The following TAFA4 variants were observed in gnomAD, a reference collection of about 807,000 sequenced individuals.
TAFA4 encodes TAFA chemokine like family member 4, also known as chemokine-like protein TAFA-4.
In TAFA4, 20 loss-of-function variants were observed where a neutral mutation model predicts 21.1. The ratio of observed to expected loss-of-function variants is 0.95; its 90% CI spans 0.67 to 1.38. TAFA4 has a LOEUF of 1.38. TAFA4 is among the 40% of genes most tolerant of loss of function. TAFA4 has a pLI of 0.00. For synonymous variants in TAFA4, 71 were observed against 67.4 expected (o/e 1.05, Z -0.26); for missense variants, 211 against 180.9 (o/e 1.17, Z -0.95).
intron 3 of TAFA4, among the ~76,000 whole-genome samples, chr3:68,757,819 A>T (rs1191593960): frequency 6.6e-6 from 1 of 152,182 alleles, no homozygotes; most frequent in Non-Finnish European, 1.5e-5. Context: ...CCTTACAATT[A>T]TAATTGACAC....
intron 3 of TAFA4, among the ~76,000 whole-genome samples, chr3:68,871,414 A>G (rs765591594): frequency 2.6e-5 from 4 of 152,136 alleles, no homozygotes; most frequent in Non-Finnish European, 5.9e-5. Context: ...CGCTCACTAT[A>G]TACAAAAATC....
intron 3 of TAFA4, among the ~76,000 whole-genome samples, chr3:68,875,012 T>TGGA (rs371864148): frequency 3.0e-4 from 46 of 152,218 alleles, no homozygotes; most frequent in African/African-American, 1.1e-3. Flanking sequence ...CGGAGGCTAG[T>TGGA]GGAATCCCTC....
intron 3 of TAFA4, among the ~76,000 whole-genome samples, chr3:68,866,194 T>C (rs1456046993): frequency 7.9e-5 from 12 of 152,122 alleles, no homozygotes; most frequent in Admixed American, 7.9e-4. Flanking sequence ...GAGTGGTTGT[T>C]CAGCAGCACC....
intron 1 of TAFA4, among the ~76,000 whole-genome samples, chr3:68,896,836 G>A (rs1414939447): frequency 1.3e-5 from 2 of 152,152 alleles, no homozygotes; most frequent in Non-Finnish European, 2.9e-5. Flanking sequence ...CTAACTATAA[G>A]GTCCAAGTTT....
chr3:68,733,124 A>T lies in TAFA4; in HGVS notation c.*18T>A. 6.2e-7 allele frequency: 1 copy of T among 1,613,206 alleles called. No homozygotes were observed. The highest frequency in any genetic ancestry group is 8.5e-7 in the Non-Finnish European group (1 of 1,179,444). On this transcript the variant is annotated 3_prime_UTR_variant, in exon 6 of 6. Coordinates refer to ENST00000295569, the MANE Select transcript of TAFA4 (RefSeq NM_182522.5). ...CCTCCTGCTGCCCCTCCAGGATTGA[A>T]GCACACCTCTCTCTTCGCTACCGCG...
intron 3 of TAFA4, among the ~76,000 whole-genome samples, chr3:68,799,965 C>T (rs1165998236): frequency 5.9e-5 from 9 of 152,012 alleles, no homozygotes; most frequent in Admixed American, 2.6e-4. Context: ...TATTGTGAAC[C>T]GCACATGTGG....
At chr3:68,928,017 T>C (rs2090125590) in intron 1 of TAFA4, among the ~76,000 whole-genome samples, 1 of 152,242 alleles carries the variant, frequency 6.6e-6, no homozygotes, top group African/African-American at 2.4e-5. Context: ...ATGTCTTTAT[T>C]ATCTTTCTAA....
At chr3:68,767,973 G>A (rs1702887283) in intron 3 of TAFA4, among the ~76,000 whole-genome samples, 1 of 151,302 alleles carries the variant, frequency 6.6e-6, no homozygotes, top group African/African-American at 2.4e-5. Flanking sequence ...ATCTTTATTT[G>A]CTACATTTTT....
chr3:68,923,207 C>T (rs557114199), intron 1 of TAFA4, among the ~76,000 whole-genome samples: 27 of 152,246 alleles, frequency 1.8e-4, no homozygotes, highest in African/African-American at 5.3e-4. Context: ...TGCTATTGCT[C>T]ATCACATCAA....
chr3:68,873,716 G>A (rs1284174574), intron 3 of TAFA4, among the ~76,000 whole-genome samples: 1 of 152,100 alleles, frequency 6.6e-6, no homozygotes, highest in Non-Finnish European at 1.5e-5. Context: ...CCACTTGAAA[G>A]ACAAGCCTCC....
chr3:68,913,712 T>C (rs1167600481), intron 1 of TAFA4: 1 of 152,000 alleles, frequency 6.6e-6, no homozygotes, highest in Admixed American at 6.5e-5. Context: ...TGAGAACCAT[T>C]TGGAGAAATT....
At chr3:68,891,880 A>G (rs1194249274) in intron 1 of TAFA4, among the ~76,000 whole-genome samples, 1 of 152,194 alleles carries the variant, frequency 6.6e-6, no homozygotes, top group African/African-American at 2.4e-5. Context: ...TGCTTAAATA[A>G]CACAATCACA....
At chr3:68,757,455 C>T (rs1459128811) in intron 3 of TAFA4, among the ~76,000 whole-genome samples, 2 of 152,024 alleles carry the variant, frequency 1.3e-5, no homozygotes, top group Admixed American at 1.3e-4. Flanking sequence ...AACCATCATG[C>T]CTTGGTTAGA....
At chr3:68,802,058 A>G (rs1448371790) in intron 3 of TAFA4, among the ~76,000 whole-genome samples, 1 of 152,156 alleles carries the variant, frequency 6.6e-6, no homozygotes, top group African/African-American at 2.4e-5. Flanking sequence ...ATACACATCT[A>G]TGTTCACAAA....
intron 3 of TAFA4, among the ~76,000 whole-genome samples, chr3:68,839,138 A>G (rs1300212699): frequency 2.0e-5 from 3 of 152,158 alleles, no homozygotes; most frequent in Non-Finnish European, 4.4e-5. Flanking sequence ...GCCTATGTGG[A>G]GATTATATTC....
At chr3:68,856,064 T>C (rs1249268782) in intron 3 of TAFA4, among the ~76,000 whole-genome samples, 1 of 151,828 alleles carries the variant, frequency 6.6e-6, no homozygotes, top group Non-Finnish European at 1.5e-5. Context: ...TTTGTACCAG[T>C]TCTGGACTAC....
chr3:68,854,863 AT>A, intron 3 of TAFA4, among the ~76,000 whole-genome samples: 2 of 152,168 alleles, frequency 1.3e-5, no homozygotes, highest in South Asian at 4.2e-4. Flanking sequence ...GAAAAGAAAT[AT>A]TTTACCGAGC....
chr3:68,781,929 G>T (rs989161277), intron 3 of TAFA4, among the ~76,000 whole-genome samples: 3 of 152,280 alleles, frequency 2.0e-5, no homozygotes, highest in Non-Finnish European at 4.4e-5. Context: ...CAATCTTCAT[G>T]ACTTTCGATT....
intron 3 of TAFA4, among the ~76,000 whole-genome samples, chr3:68,774,246 G>C (rs1703009293): frequency 6.6e-6 from 1 of 152,228 alleles, no homozygotes; most frequent in African/African-American, 2.4e-5. Flanking sequence ...AATGTTTATA[G>C]TATAATGTTA....
Sources: gnomAD v4.1 joint callset for allele counts (sites outside exome capture counted in the v4.1 genomes callset) on GRCh38, gnomAD v4.1.1 for gene constraint, MANE v1.5 for transcripts, NCBI Gene and HGNC (gene_info 2026-07-23, HGNC 2026-07-21) for gene names.